AUTS2: variants seen among roughly 807,000 people sequenced by gnomAD.
AUTS2 encodes autism susceptibility gene 2 protein.
Under a neutral mutation model 112.4 loss-of-function variants are expected in AUTS2, and 17 were observed. That is an observed-to-expected ratio of 0.15 (90% confidence interval 0.10 to 0.23). The LOEUF is 0.23. AUTS2 is among the 10% of genes least tolerant of loss of function. The pLI is 1.00. For synonymous variants in AUTS2, 751 were observed against 702.7 expected (o/e 1.07, Z -1.09); for missense variants, 1,510 against 1,701.6 (o/e 0.89, Z 1.98).
intron 5 of AUTS2, among the ~76,000 whole-genome samples, chr7:70,545,479 G>T (rs1800734415): frequency 6.6e-6 from 1 of 152,182 alleles, no homozygotes; most frequent in Admixed American, 6.5e-5. Context: ...AGACCACTTG[G>T]TAAATGACTT....
chr7:69,614,367 T>TCTTTCTTTCTTTTCTTTC lies in AUTS2; in HGVS notation c.309+14405_309+14406insCTTTCTTTCTTTTCTTTC, dbSNP rs57602451. 4.2e-4 allele frequency among the ~76,000 whole-genome samples: 38 copies of TCTTTCTTTCTTTTCTTTC among 90,276 alleles called. 2 individuals are homozygous for TCTTTCTTTCTTTTCTTTC. Among genetic ancestry groups the TCTTTCTTTCTTTTCTTTC allele is most frequent in the Non-Finnish European group, 5.3e-4 (23 of 43,158 alleles). 59.2% of individuals were successfully genotyped at this position (90,276 alleles called of 152,430 possible). A position where few individuals can be genotyped will look rare whatever the true frequency, so the allele number is the denominator to read the frequency against. ...TTCTTTCTTTCTTTCTTTCTTTCTT[T>TCTTTCTTTCTTTTCTTTC]TTTTAAGAGATGGGATCTCACTCTG... On this transcript the variant is annotated intron_variant, in intron 1 of 18. Transcript: ENST00000342771.
rs543133625 is a variant in AUTS2, at chr7:70,767,513, T to C, written c.1690-511T>C. Among the ~76,000 whole-genome samples the C allele has an allele frequency of 5.7e-4, 87 of 152,296 alleles. 4 individuals are homozygous for C. The Middle Eastern group carries it at 0.01, about 18-fold the overall frequency. On this transcript the variant is annotated intron_variant, in intron 9 of 18. Coordinates refer to ENST00000342771, the MANE Select transcript of AUTS2 (RefSeq NM_015570.4). ...TAGTTATAGCATCAATATGATGACATTATTTAGAGGGAACAATAGTATACT... is the reference window on the plus strand; with the variant it reads ...TAGTTATAGCATCAATATGATGACACTATTTAGAGGGAACAATAGTATACT...
At chr7:70,381,830 T>A (rs1015354743) in intron 4 of AUTS2, among the ~76,000 whole-genome samples, 1 of 152,204 alleles carries the variant, frequency 6.6e-6, no homozygotes, top group Non-Finnish European at 1.5e-5. Context: ...CAGCTCTCTT[T>A]ACCTTTATTT....
chr7:70,019,687 CA>C (rs981500688), intron 2 of AUTS2, among the ~76,000 whole-genome samples: 6 of 152,134 alleles, frequency 3.9e-5, no homozygotes, highest in Admixed American at 3.9e-4. Flanking sequence ...ACACCTACCC[CA>C]TAGAGTTGTT....
intron 1 of AUTS2, among the ~76,000 whole-genome samples, chr7:69,890,547 T>C (rs1794474780): frequency 6.6e-6 from 1 of 152,246 alleles, no homozygotes; most frequent in Admixed American, 6.5e-5. Context: ...GTAAAATTTA[T>C]TTATATTTTC....
intron 6 of AUTS2, among the ~76,000 whole-genome samples, chr7:70,752,970 C>T (rs1377749907): frequency 6.6e-6 from 1 of 152,090 alleles, no homozygotes; most frequent in Non-Finnish European, 1.5e-5. Context: ...TGATACACCC[C>T]CCTTGAAGGC....
chr7:70,530,322 G>A (rs891753089), intron 5 of AUTS2, among the ~76,000 whole-genome samples: 17 of 152,214 alleles, frequency 1.1e-4, no homozygotes, highest in South Asian at 4.1e-4. Context: ...AGCCTTTAAC[G>A]GCCTCCTGGG....
At chr7:70,649,156 T>C (rs1488143628) in intron 5 of AUTS2, among the ~76,000 whole-genome samples, 7 of 150,496 alleles carry the variant, frequency 4.7e-5, no homozygotes, top group Non-Finnish European at 8.8e-5. Flanking sequence ...CTTTGGAGGC[T>C]GAGGCAGGTG....
intron 18 of AUTS2, among the ~76,000 whole-genome samples, chr7:70,789,347 G>A (rs1470241192): frequency 4.6e-5 from 7 of 152,208 alleles, no homozygotes; most frequent in South Asian, 4.1e-4. Context: ...CTCTTAAAAC[G>A]TGATTCTTTA....
chr7:70,222,743 C>A (rs1347303438), intron 4 of AUTS2, among the ~76,000 whole-genome samples: 1 of 151,988 alleles, frequency 6.6e-6, no homozygotes, highest in Non-Finnish European at 1.5e-5. Context: ...GTGAAGACAT[C>A]TAGTACAGTA....
intron 4 of AUTS2, among the ~76,000 whole-genome samples, chr7:70,363,250 G>A (rs1792359384): frequency 6.6e-6 from 1 of 152,130 alleles, no homozygotes; most frequent in Admixed American, 6.5e-5. Context: ...TCTCATCTGA[G>A]TGTTTATTAG....
intron 1 of AUTS2, among the ~76,000 whole-genome samples, chr7:69,635,779 G>A (rs1412680125): frequency 6.6e-6 from 1 of 152,204 alleles, no homozygotes; most frequent in African/African-American, 2.4e-5. Context: ...AGCCTCTTTC[G>A]CTGTATTTTA....
chr7:70,655,338 A>G (rs1216055420), intron 5 of AUTS2, among the ~76,000 whole-genome samples: 1 of 152,200 alleles, frequency 6.6e-6, no homozygotes, highest in Non-Finnish European at 1.5e-5. Context: ...GCAGCTTACA[A>G]AGTAAAGACA....
chr7:70,312,707 CT>C (rs1789816366), intron 4 of AUTS2, among the ~76,000 whole-genome samples: 1 of 152,244 alleles, frequency 6.6e-6, no homozygotes, highest in Non-Finnish European at 1.5e-5. Context: ...GTCCAAAGTA[CT>C]TCAAGGGTCT....
In AUTS2 at chr7:70,501,588, CTT is replaced by C. The variant is rs1329880489; in HGVS notation, c.690+65808_690+65809del. 8.5e-5 allele frequency among the ~76,000 whole-genome samples: 13 copies of C among 152,288 alleles called. No individual in the cohort carries two copies. The East Asian group carries it at 2.3e-3, about 27-fold the overall frequency. The stretch of plus-strand genomic sequence containing the variant: ...GGCCCTTTCACCATCACAGGCCTCT[CTT>C]CTTTCCTGGTTTTGTCGTTGGGTAG... On this transcript the variant is annotated intron_variant, in intron 5 of 18. Transcript: ENST00000342771.
At chr7:70,345,260 C>G (rs547107976) in intron 4 of AUTS2, among the ~76,000 whole-genome samples, 2 of 152,168 alleles carry the variant, frequency 1.3e-5, no homozygotes, top group African/African-American at 4.8e-5. Context: ...CAGAAAGTCT[C>G]CCATACAGTT....
chr7:69,623,381 ATTTTTTTTTTTTTTTT>A (rs56204810), intron 1 of AUTS2, among the ~76,000 whole-genome samples: 1 of 71,952 alleles, frequency 1.4e-5, no homozygotes, highest in African/African-American at 5.5e-5. Context: ...ACGCCCAGCA[ATTTTTTTTTTTTTTTT>A]TTTTTTTTTG....
chr7:69,852,249 C>T (rs1009685641), intron 1 of AUTS2, among the ~76,000 whole-genome samples: 2 of 151,976 alleles, frequency 1.3e-5, no homozygotes, highest in Non-Finnish European at 2.9e-5. Context: ...GCTTTGCATC[C>T]CTGGAATAAA....
chr7:70,481,095 G>A (rs1159676396), intron 5 of AUTS2, among the ~76,000 whole-genome samples: 1 of 152,198 alleles, frequency 6.6e-6, no homozygotes, highest in Non-Finnish European at 1.5e-5. Context: ...TTGAATGCCT[G>A]GCGGAGAAAC....
Sources: allele counts gnomAD v4.1 joint callset (sites outside exome capture counted in the v4.1 genomes callset), GRCh38; gene constraint gnomAD v4.1.1; transcripts MANE v1.5; gene names NCBI Gene and HGNC (gene_info 2026-07-23, HGNC 2026-07-21).